Variants in PKHD1 observed in about 807,000 individuals in gnomAD.
PKHD1 encodes the protein PKHD1 ciliary IPT domain containing fibrocystin/polyductin.
A neutral mutation model predicts 412.0 loss-of-function variants in PKHD1; 291 were observed. The ratio of observed to expected loss-of-function variants is 0.71; its 90% CI spans 0.64 to 0.78. The LOEUF is 0.78. Among genes scored for constraint, PKHD1 ranks in the 30% least tolerant of loss-of-function variants. The probability of loss-of-function intolerance (pLI) is 0.00; values close to 1 mark genes in which losing one functional copy is unlikely to be tolerated. For synonymous variants in PKHD1, 1,777 were observed against 1,821.5 expected (o/e 0.98, Z 0.62); for missense variants, 4,825 against 4,950.7 (o/e 0.97, Z 0.76).
chr6:51,790,731 C>T (rs543574452), intron 53 of PKHD1, among the ~76,000 whole-genome samples: 1 of 152,302 alleles, frequency 6.6e-6, no homozygotes, highest in Non-Finnish European at 1.5e-5. Context: ...CCTCACTTTT[C>T]TTTTCCCTTC....
chr6:51,708,624 A>G (rs1485518128), intron 60 of PKHD1, among the ~76,000 whole-genome samples: 1 of 152,210 alleles, frequency 6.6e-6, no homozygotes, highest in East Asian at 1.9e-4. Context: ...CATTTGTTAA[A>G]GATACAACAC....
chr6:51,809,260 A>AC (rs1206681070), intron 52 of PKHD1, among the ~76,000 whole-genome samples: 5 of 151,850 alleles, frequency 3.3e-5, no homozygotes, highest in Non-Finnish European at 7.4e-5. Context: ...ACACAACAGA[A>AC]TTTTTTTTAG....
At chr6:51,842,138 T>TC (rs1770317829) in intron 50 of PKHD1, among the ~76,000 whole-genome samples, 1 of 152,210 alleles carries the variant, frequency 6.6e-6, no homozygotes, top group Non-Finnish European at 1.5e-5. Context: ...GCTAGACATG[T>TC]CCTTTTTTTC....
chr6:52,029,914 T>C (rs1257051353), intron 29 of PKHD1, among the ~76,000 whole-genome samples: 1 of 152,228 alleles, frequency 6.6e-6, no homozygotes, highest in African/African-American at 2.4e-5. Flanking sequence ...GTCTTTAAGA[T>C]AAATTGAAAA....
intron 60 of PKHD1, among the ~76,000 whole-genome samples, chr6:51,739,170 T>A (rs1482906458): frequency 6.7e-6 from 1 of 149,074 alleles, no homozygotes; most frequent in Non-Finnish European, 1.5e-5. Flanking sequence ...TATACTCATG[T>A]TATATACATA....
chr6:52,018,531 T>A (rs1051884254), intron 33 of PKHD1, among the ~76,000 whole-genome samples: 1 of 152,316 alleles, frequency 6.6e-6, no homozygotes, highest in Admixed American at 6.5e-5. Context: ...TTATTATTAT[T>A]ATTTTTTGAG....
intron 60 of PKHD1, among the ~76,000 whole-genome samples, chr6:51,688,545 A>T (rs1777745616): frequency 6.6e-6 from 1 of 152,094 alleles, no homozygotes; most frequent in South Asian, 2.1e-4. Flanking sequence ...CACATCCAGG[A>T]GCTATTCTTT....
intron 10 of PKHD1, 119 bp from the exon 11 acceptor site, chr6:52,069,646 A>T: frequency 1.3e-6 from 1 of 792,202 alleles, no homozygotes. Context: ...AGAACAGTTG[A>T]AATAGCAGCT....
chr6:51,930,737 G>T (rs1403092950), intron 37 of PKHD1, among the ~76,000 whole-genome samples: 1 of 152,222 alleles, frequency 6.6e-6, no homozygotes, highest in South Asian at 2.1e-4. Context: ...TCGCTGGGCA[G>T]TGCCCTGCTT....
chr6:51,689,443 G>T (rs1777876859), intron 60 of PKHD1, among the ~76,000 whole-genome samples: 1 of 152,198 alleles, frequency 6.6e-6, no homozygotes, highest in South Asian at 2.1e-4. Context: ...ACAAGACAAG[G>T]ATGTCCTCTC....
chr6:51,758,603 T>C (rs1787459755), intron 55 of PKHD1, among the ~76,000 whole-genome samples: 2 of 152,032 alleles, frequency 1.3e-5, no homozygotes, highest in South Asian at 2.1e-4. Context: ...CCTCAAATAA[T>C]AAATAAACAA....
chr6:51,733,757 C>T (rs1156341157), intron 60 of PKHD1, among the ~76,000 whole-genome samples: 1 of 152,050 alleles, frequency 6.6e-6, no homozygotes. Flanking sequence ...TACAGAAAGA[C>T]TTATATGAAA....
At position 51,925,056 on chromosome 6, in the gene PKHD1, G is replaced by A. The variant is rs528770601; in HGVS notation, c.6121+9054C>T. Among the ~76,000 whole-genome samples the A allele has an allele frequency of 4.9e-4, 74 of 152,332 alleles. 1 individual carries two copies. Among genetic ancestry groups the A allele is most frequent in the African/African-American group, 1.8e-3 (73 of 41,574 alleles). ...GGTCCACTAGCTAGTTCACGGTAGA[G>A]ATGGGATTTGGACCACGCAGTCCAC... On this transcript the variant is annotated intron_variant, in intron 37 of 66. Transcript: ENST00000371117.
intron 60 of PKHD1, among the ~76,000 whole-genome samples, chr6:51,674,846 T>C (rs565762825): frequency 6.6e-6 from 1 of 152,302 alleles, no homozygotes; most frequent in Non-Finnish European, 1.5e-5. Context: ...TAATATTTTA[T>C]CATACTATCC....
chr6:51,801,643 G>GTGTGTGTGTGTGTGTGTGTGTGTC (rs1483607888), intron 52 of PKHD1, among the ~76,000 whole-genome samples: 1 of 142,530 alleles, frequency 7.0e-6, no homozygotes, highest in Non-Finnish European at 1.5e-5. Context: ...GCCTGATTGT[G>GTGTGTGTGTGTGTGTGTGTGTGTC]TGTGTGTGTG....
At chr6:51,639,572 A>G (rs1049007458) in intron 63 of PKHD1, among the ~76,000 whole-genome samples, 2 of 151,878 alleles carry the variant, frequency 1.3e-5, no homozygotes, top group Non-Finnish European at 2.9e-5. Context: ...TGGCTTCCCT[A>G]ACTAAAATGA....
chr6:51,843,930 C>T (rs1052502208), intron 50 of PKHD1, among the ~76,000 whole-genome samples: 4 of 152,116 alleles, frequency 2.6e-5, no homozygotes, highest in African/African-American at 4.8e-5. Context: ...ATTTCAATCA[C>T]GGGAACAATA....
At chr6:51,727,550 T>G (rs548298986) in intron 60 of PKHD1, among the ~76,000 whole-genome samples, 2 of 152,298 alleles carry the variant, frequency 1.3e-5, no homozygotes, top group East Asian at 3.9e-4. Flanking sequence ...TCTGGCGTCT[T>G]TAAACCCCTT....
At chr6:51,962,455 C>T (rs1372881577) in intron 35 of PKHD1, among the ~76,000 whole-genome samples, 3 of 152,138 alleles carry the variant, frequency 2.0e-5, no homozygotes, top group South Asian at 2.1e-4. Flanking sequence ...CTCTGAAGCA[C>T]TTGCTTATGC....
Sources: gnomAD v4.1 joint callset for allele counts (sites outside exome capture counted in the v4.1 genomes callset) on GRCh38, gnomAD v4.1.1 for gene constraint, MANE v1.5 for transcripts, NCBI Gene and HGNC (gene_info 2026-07-23, HGNC 2026-07-21) for gene names.